The following RBPMS variants were observed in gnomAD, a reference collection of about 807,000 sequenced individuals.
RBPMS encodes the protein RNA-binding protein with multiple splicing.
RBPMS carries 7 observed loss-of-function variants against 26.8 expected under a neutral mutation model. That is an observed-to-expected ratio of 0.26 (90% CI 0.15 to 0.49). The LOEUF (loss-of-function observed/expected upper bound fraction) is 0.49, where lower values mean the gene tolerates loss of function less well. RBPMS is among the 20% of genes least tolerant of loss of function. The pLI is 0.98. For synonymous variants in RBPMS, 96 were observed against 93.3 expected (o/e 1.03, Z -0.17); for missense variants, 186 against 250.0 (o/e 0.74, Z 1.73).
intron 5 of RBPMS, among the ~76,000 whole-genome samples, chr8:30,526,610 T>G (rs1463978248): frequency 6.6e-6 from 1 of 152,212 alleles, no homozygotes; most frequent in African/African-American, 2.4e-5. Flanking sequence ...ATTCTGAACG[T>G]ATGTGGCTAC....
At chr8:30,446,882 T>A (rs559262236) in intron 1 of RBPMS, 1 of 144,862 alleles carries the variant, frequency 6.9e-6, no homozygotes, top group African/African-American at 2.6e-5. Flanking sequence ...GGGGTAGAGA[T>A]GGAACTTCAG....
intron 1 of RBPMS, among the ~76,000 whole-genome samples, chr8:30,412,727 A>G (rs904399708): frequency 6.6e-6 from 1 of 152,208 alleles, no homozygotes; most frequent in Non-Finnish European, 1.5e-5. Context: ...AAACATTCCA[A>G]TAGTACTTCA....
At chr8:30,511,267 T>C (rs1821560909) in intron 5 of RBPMS, among the ~76,000 whole-genome samples, 1 of 151,946 alleles carries the variant, frequency 6.6e-6, no homozygotes, top group African/African-American at 2.4e-5. Context: ...TGAGCTGAGA[T>C]CGTGCCACTG....
chr8:30,489,133 A>G (rs1336475430), intron 4 of RBPMS, among the ~76,000 whole-genome samples: 30 of 150,422 alleles, frequency 2.0e-4, no homozygotes. Flanking sequence ...TACAGCCTCG[A>G]CATCCTGGCC....
rs1825699882 is a variant in RBPMS at position 30,544,479 on chromosome 8, A to G, written c.398-15A>G. On this transcript the variant is annotated splice_polypyrimidine_tract_variant and intron_variant, in intron 5 of 8. Transcript: ENST00000397323. ...TATGGTAACCACTAACTCTCGCCTTATTCTTTTCTTGCAGATGAGCTCACA... is the reference window on the plus strand; with the variant it reads ...TATGGTAACCACTAACTCTCGCCTTGTTCTTTTCTTGCAGATGAGCTCACA... The G allele has an allele frequency of 1.2e-6, 2 of 1,612,384 alleles. No homozygotes were observed. Among genetic ancestry groups the G allele is most frequent in the Admixed American group, 1.7e-5 (1 of 59,972 alleles).
chr8:30,436,341 T>G (rs1812445385), intron 1 of RBPMS, among the ~76,000 whole-genome samples: 1 of 152,256 alleles, frequency 6.6e-6, no homozygotes, highest in African/African-American at 2.4e-5. Flanking sequence ...CTTGGTATGA[T>G]TTCTACCTTG....
At chr8:30,486,414 C>T (rs1818787623) in intron 4 of RBPMS, among the ~76,000 whole-genome samples, 2 of 150,854 alleles carry the variant, frequency 1.3e-5, no homozygotes, top group Non-Finnish European at 1.5e-5. Context: ...TCCAGTGCCC[C>T]TACTTTTTAC....
chr8:30,505,931 A>G (rs1196774686), intron 5 of RBPMS, among the ~76,000 whole-genome samples: 1 of 152,148 alleles, frequency 6.6e-6, no homozygotes, highest in Admixed American at 6.5e-5. Flanking sequence ...TTTTTAGTGA[A>G]TTTGCCAGCC....
intron 1 of RBPMS, among the ~76,000 whole-genome samples, chr8:30,438,392 G>A (rs530224775): frequency 9.8e-5 from 15 of 152,348 alleles, no homozygotes; most frequent in African/African-American, 2.6e-4. Context: ...AAGTGTTGAC[G>A]TGGTCATTAC....
rs950753748 is a variant in RBPMS at position 30,571,686 on chromosome 8, C to T, written c.*1161C>T. 3 of 152,300 alleles carry T rather than the reference C, an allele frequency of 2.0e-5. No homozygotes were observed. Among genetic ancestry groups the T allele is most frequent in the Non-Finnish European group, 4.4e-5 (3 of 68,064 alleles). 9.4% of individuals were successfully genotyped at this position (152,300 alleles called of 1,614,324 possible). ...GTGCTCACTGTGAGACGTCCTGCCA[C>T]ACCCCACAGGAGACGGAGGCAGTGG... is the stretch of plus-strand genomic sequence containing the variant. On this transcript the variant is annotated 3_prime_UTR_variant, in exon 9 of 9. Coordinates refer to ENST00000397323, the MANE Select transcript of RBPMS (RefSeq NM_001008710.3).
At chr8:30,567,907 A>G (rs1828009256) in intron 8 of RBPMS, among the ~76,000 whole-genome samples, 1 of 152,200 alleles carries the variant, frequency 6.6e-6, no homozygotes, top group South Asian at 2.1e-4. Flanking sequence ...CCTGGGTTAC[A>G]GCAGCGAGTT....
At chr8:30,543,820 A>T (rs1422345492) in intron 5 of RBPMS, among the ~76,000 whole-genome samples, 2 of 152,150 alleles carry the variant, frequency 1.3e-5, no homozygotes, top group Non-Finnish European at 2.9e-5. Flanking sequence ...TTTCCCCTAA[A>T]AGTTAGTCTG....
intron 4 of RBPMS, among the ~76,000 whole-genome samples, chr8:30,481,315 T>C (rs1350117075): frequency 1.3e-4 from 20 of 150,192 alleles, no homozygotes; most frequent in Admixed American, 1.3e-3. Context: ...GTTTAAATGA[T>C]AATAGTCAAA....
chr8:30,549,795 T>TC (rs376497422), intron 6 of RBPMS, among the ~76,000 whole-genome samples: 2 of 100,744 alleles, frequency 2.0e-5, no homozygotes, highest in Non-Finnish European at 3.8e-5. Context: ...TCTCTCTCTC[T>TC]CCCCTCTCTC....
intron 1 of RBPMS, among the ~76,000 whole-genome samples, chr8:30,455,063 T>C (rs1815044317): frequency 6.6e-6 from 1 of 152,232 alleles, no homozygotes; most frequent in African/African-American, 2.4e-5. Flanking sequence ...TCTCAAGTGA[T>C]CCGCCTGCCT....
At chr8:30,494,117 C>T (rs1819677046) in intron 4 of RBPMS, among the ~76,000 whole-genome samples, 1 of 152,202 alleles carries the variant, frequency 6.6e-6, no homozygotes, top group Non-Finnish European at 1.5e-5. Context: ...TCTACTCAGA[C>T]TGTGTGAACC....
At chr8:30,419,450 A>ATATGTGTGTGTGTGTGTGTGTGTGTGTG (rs1554509328) in intron 1 of RBPMS, among the ~76,000 whole-genome samples, 1 of 143,176 alleles carries the variant, frequency 7.0e-6, no homozygotes, top group African/African-American at 2.6e-5. Context: ...CATCTCAAAA[A>ATATGTGTGTGTGTGTGTGTGTGTGTGTG]TGTGTGTGTG....
At position 30,385,100 on chromosome 8, in the gene RBPMS, A is replaced by C; in HGVS notation, c.8A>C (p.Asn3Thr). 1 of 1,523,734 alleles carries C rather than the reference A, an allele frequency of 6.6e-7. No homozygotes were observed. The highest frequency in any genetic ancestry group is 1.4e-5 in the African/African-American group (1 of 69,824). The allele number at this position is 1,523,734 out of a possible 1,614,324, so 94.4% of individuals were successfully genotyped here. ...CGAGGAAGGACCGGGAAGATGAACA[A>C]CGGCGGCAAAGCCGAGAAGGAGAAC... is the stretch of plus-strand genomic sequence containing the variant. MN[N>T]GGKAEKENTP... Residue 3 changes from asparagine to threonine, a missense_variant, in exon 1 of 9, where the codon AAC (asparagine) becomes ACC (threonine). Physicochemically the swap from Asn to Thr is moderately conservative, Grantham distance 65 (BLOSUM62 0). Around this residue, in one of 3 missense-constraint regions of RBPMS, gnomAD observed 38 missense variants for 27.8 expected, o/e 1.37. Coordinates refer to ENST00000397323, the MANE Select transcript of RBPMS (RefSeq NM_001008710.3).
At chr8:30,545,377 A>T in intron 6 of RBPMS, 1 of 1,146,612 alleles carries the variant, frequency 8.7e-7, no homozygotes, top group Non-Finnish European at 1.1e-6. Flanking sequence ...TTTTAGTGCA[A>T]GTGGTAGTAA....
Sources: gnomAD v4.1 joint callset for allele counts (sites outside exome capture counted in the v4.1 genomes callset) on GRCh38, gnomAD v4.1.1 for gene constraint, gnomAD v4.1.1 regional missense constraint, MANE v1.5 for transcripts, NCBI Gene and HGNC (gene_info 2026-07-23, HGNC 2026-07-21) for gene names.